RARB: variants seen among roughly 807,000 people sequenced by gnomAD.
RARB encodes the protein retinoic acid receptor beta.
In RARB, 17 loss-of-function variants were observed where a neutral mutation model predicts 51.9. The ratio of observed to expected loss-of-function variants is 0.33; its 90% confidence interval spans 0.22 to 0.49. RARB has a LOEUF of 0.49. Among genes scored for constraint, RARB ranks in the 20% least tolerant of loss-of-function variants. The pLI, the probability that RARB is intolerant of heterozygous loss-of-function variation, is 0.99. For missense variants in RARB, 369 were observed against 550.8 expected, an observed-to-expected ratio of 0.67 and a Z score of 3.30; for synonymous variants, 215 against 195.4, an observed-to-expected ratio of 1.10 and a Z score of -0.84.
intron 2 of RARB, among the ~76,000 whole-genome samples, chr3:25,464,787 C>T (rs1212887291): frequency 6.6e-6 from 1 of 152,132 alleles, no homozygotes; most frequent in East Asian, 1.9e-4. Flanking sequence ...TAAAACTCAG[C>T]TTTTCTGTAA....
At chr3:25,074,970 C>T (rs1698843509) in intron 3 of RARB, among the ~76,000 whole-genome samples, 1 of 152,198 alleles carries the variant, frequency 6.6e-6, no homozygotes, top group Non-Finnish European at 1.5e-5. Context: ...AGTTTCATGA[C>T]ATCTCAGCAA....
intron 5 of RARB, among the ~76,000 whole-genome samples, chr3:25,333,674 A>G (rs1447781912): frequency 2.6e-5 from 4 of 152,236 alleles, no homozygotes; most frequent in Non-Finnish European, 5.9e-5. Flanking sequence ...AAAATTGACA[A>G]ATGGGATCTA....
At chr3:24,909,095 G>A (rs1484382965) in intron 2 of RARB, among the ~76,000 whole-genome samples, 2 of 152,128 alleles carry the variant, frequency 1.3e-5, no homozygotes, top group Non-Finnish European at 2.9e-5. Context: ...CTAGGAGACA[G>A]GTTATTATAA....
intron 5 of RARB, among the ~76,000 whole-genome samples, chr3:25,175,690 G>T (rs1016700495): frequency 6.6e-6 from 1 of 152,156 alleles, no homozygotes; most frequent in African/African-American, 2.4e-5. Flanking sequence ...GCACTTTTGG[G>T]ATGTTGATTG....
At chr3:25,538,199 G>A (rs899674907) in intron 3 of RARB, among the ~76,000 whole-genome samples, 6 of 152,000 alleles carry the variant, frequency 3.9e-5, no homozygotes, top group Non-Finnish European at 8.8e-5. Context: ...ATGCTACTAC[G>A]TCAGTGTCCA....
chr3:25,144,725 A>G (rs1700161047), intron 4 of RARB, among the ~76,000 whole-genome samples: 1 of 152,194 alleles, frequency 6.6e-6, no homozygotes, highest in South Asian at 2.1e-4. Context: ...CAATGGTCTC[A>G]CATTTTCAAT....
At chr3:25,289,303 A>G (rs1181641908) in intron 5 of RARB, among the ~76,000 whole-genome samples, 1 of 152,204 alleles carries the variant, frequency 6.6e-6, no homozygotes, top group East Asian at 1.9e-4. Flanking sequence ...ACTGAGCACA[A>G]TGGTGGACAC....
chr3:25,246,980 C>T (rs1322161222), intron 5 of RARB, among the ~76,000 whole-genome samples: 1 of 152,230 alleles, frequency 6.6e-6, no homozygotes, highest in Non-Finnish European at 1.5e-5. Context: ...CTATAAGCCC[C>T]TGACTAGGGC....
rs143693831 is a variant in RARB, at chr3:24,833,744, T to G, written c.-459+4341T>G. Among the ~76,000 whole-genome samples, 752 of 152,358 alleles carry G rather than the reference T, an allele frequency of 4.9e-3. 4 individuals carry two copies. Among genetic ancestry groups the G allele is most frequent in the Non-Finnish European group, 8.3e-3 (568 of 68,030 alleles). ...GCCTCAATTATTTCTTAATTCATCA[T>G]GTACATTGTGTCCAAGGTAGGCATG... On this transcript the variant is annotated intron_variant, in intron 1 of 11. Coordinates refer to the RARB transcript ENST00000383772.
chr3:25,153,503 A>G (rs1700325864), intron 4 of RARB, among the ~76,000 whole-genome samples: 1 of 152,278 alleles, frequency 6.6e-6, no homozygotes, highest in East Asian at 1.9e-4. Context: ...GATACTGACA[A>G]TTCAATGAGG....
chr3:25,209,595 G>A (rs144296047), intron 5 of RARB, among the ~76,000 whole-genome samples: 4 of 152,100 alleles, frequency 2.6e-5, no homozygotes, highest in Non-Finnish European at 5.9e-5. Flanking sequence ...AATATATTTC[G>A]GCTCTTTCAC....
At chr3:25,425,074 C>A (rs531687770), upstream of RARB, among the ~76,000 whole-genome samples, 1 of 152,136 alleles carries the variant, frequency 6.6e-6, no homozygotes, top group Non-Finnish European at 1.5e-5. Context: ...TTTATTAGAT[C>A]ATTGATCAAA....
At chr3:25,129,966 A>G (rs1036911206) in intron 3 of RARB, among the ~76,000 whole-genome samples, 1 of 152,098 alleles carries the variant, frequency 6.6e-6, no homozygotes, top group African/African-American at 2.4e-5. Flanking sequence ...AACTGCTTCA[A>G]TCCTCATAAT....
chr3:25,371,996 A>C (rs1706314811), intron 5 of RARB, among the ~76,000 whole-genome samples: 1 of 152,174 alleles, frequency 6.6e-6, no homozygotes, highest in African/African-American at 2.4e-5. Context: ...GCTGCCACCG[A>C]TAGTCTTAAG....
At chr3:24,895,304 G>A (rs968683023) in intron 2 of RARB, among the ~76,000 whole-genome samples, 1 of 152,154 alleles carries the variant, frequency 6.6e-6, no homozygotes, top group African/African-American at 2.4e-5. Flanking sequence ...AGTTAGATTT[G>A]ATATTACTTT....
intron 5 of RARB, among the ~76,000 whole-genome samples, chr3:25,291,403 C>T (rs1400388300): frequency 2.0e-5 from 3 of 151,438 alleles, no homozygotes; most frequent in African/African-American, 4.9e-5. Flanking sequence ...TGTAAAAATG[C>T]TTGCCCTAAG....
At chr3:24,863,108 G>A (rs1246447143) in intron 2 of RARB, among the ~76,000 whole-genome samples, 3 of 152,226 alleles carry the variant, frequency 2.0e-5, no homozygotes, top group African/African-American at 7.2e-5. Context: ...AGAGGAGGCT[G>A]ATTGATGGGG....
intron 2 of RARB, among the ~76,000 whole-genome samples, chr3:25,018,862 G>A (rs990951323): frequency 2.6e-5 from 4 of 152,040 alleles, no homozygotes; most frequent in East Asian, 1.9e-4. Flanking sequence ...AGAAACTTTC[G>A]TAAGCACCGG....
chr3:25,294,135 C>G (rs1703859788), intron 5 of RARB, among the ~76,000 whole-genome samples: 1 of 152,162 alleles, frequency 6.6e-6, no homozygotes, highest in Non-Finnish European at 1.5e-5. Context: ...CAAGTCAGAA[C>G]TTGCCAAAAG....
Sources: gnomAD v4.1 joint callset for allele counts (sites outside exome capture counted in the v4.1 genomes callset) on GRCh38, gnomAD v4.1.1 for gene constraint, MANE v1.5 for transcripts, NCBI Gene and HGNC (gene_info 2026-07-23, HGNC 2026-07-21) for gene names.